The following CNTN4 variants were observed in gnomAD, a reference collection of about 807,000 sequenced individuals.
CNTN4 encodes the protein contactin 4, also known as contactin-4.
CNTN4 carries 77 observed loss-of-function variants against 122.5 expected under a neutral mutation model. That is an observed-to-expected ratio of 0.63 (90% CI 0.52 to 0.76). CNTN4 has a LOEUF of 0.76. Among genes scored for constraint, CNTN4 ranks in the 30% least tolerant of loss-of-function variants. The pLI is 0.00. For synonymous variants in CNTN4, 512 were observed against 447.0 expected (o/e 1.15, Z -1.83); for missense variants, 1,256 against 1,259.1 (o/e 1.00, Z 0.04).
rs1337894240 is a variant in CNTN4 at position 2,472,140 on chromosome 3, C to T, written c.-88-99276C>T. Reference sequence around the variant, plus strand: ...TGAGGCAGGAGAATTGCAACAAGAGCGAAATTCCATCTCAAAAAAAAAAAA... The same window carrying T: ...TGAGGCAGGAGAATTGCAACAAGAGTGAAATTCCATCTCAAAAAAAAAAAA... On this transcript the variant is annotated intron_variant, in intron 3 of 24. Coordinates refer to ENST00000418658, the MANE Select transcript of CNTN4 (RefSeq NM_175607.3). Among the ~76,000 whole-genome samples the T allele has an allele frequency of 3.5e-5, 5 of 143,568 alleles. No homozygotes were observed. In the South Asian group the frequency reaches 8.8e-4, roughly 25 times the overall value. The allele number at this position is 143,568 out of a possible 152,430, so 94.2% of individuals were successfully genotyped here. A position where few individuals can be genotyped will look rare whatever the true frequency, so the allele number is the denominator to read the frequency against.
At chr3:3,016,064 A>G (rs1046977410) in intron 14 of CNTN4, among the ~76,000 whole-genome samples, 3 of 152,158 alleles carry the variant, frequency 2.0e-5, no homozygotes, top group Non-Finnish European at 4.4e-5. Context: ...CATTCTAATT[A>G]TTATTTGATG....
At chr3:2,942,375 C>G (rs2094624468) in intron 13 of CNTN4, among the ~76,000 whole-genome samples, 1 of 152,132 alleles carries the variant, frequency 6.6e-6, no homozygotes, top group Non-Finnish European at 1.5e-5. Context: ...TGTCTTGCTA[C>G]CCAATCAAAG....
intron 3 of CNTN4, among the ~76,000 whole-genome samples, chr3:2,541,718 C>T (rs2078037293): frequency 6.6e-6 from 1 of 152,068 alleles, no homozygotes; most frequent in African/African-American, 2.4e-5. Context: ...TAGCATCTAC[C>T]AGAGTATATG....
In CNTN4 at chr3:2,753,913, G is replaced by T. The variant is rs188086088; in HGVS notation, c.358+8216G>T. ...TGTGGACTCTAATTTTAATATAATT[G>T]GTTTCAGGTTTTATAATGAGAATAA... On this transcript the variant is annotated intron_variant, in intron 6 of 24. Transcript: ENST00000418658. 2.3e-3 allele frequency among the ~76,000 whole-genome samples: 352 copies of T among 152,060 alleles called. 6 individuals carry two copies. Among genetic ancestry groups the T allele is most frequent in the Non-Finnish European group, 9.3e-4 (63 of 67,984 alleles).
chr3:3,012,772 C>A (rs1180883638), intron 14 of CNTN4, among the ~76,000 whole-genome samples: 1 of 152,082 alleles, frequency 6.6e-6, no homozygotes, highest in Non-Finnish European at 1.5e-5. Flanking sequence ...AGTTTGAGAT[C>A]AGCCTGGCCA....
chr3:2,199,584 G>T (rs1371790770), intron 2 of CNTN4, among the ~76,000 whole-genome samples: 1 of 152,116 alleles, frequency 6.6e-6, no homozygotes, highest in Non-Finnish European at 1.5e-5. Flanking sequence ...TATTTAACAT[G>T]TGCTAATTGA....
intron 4 of CNTN4, among the ~76,000 whole-genome samples, chr3:2,578,785 A>G (rs1490665236): frequency 2.0e-5 from 3 of 152,180 alleles, no homozygotes; most frequent in South Asian, 2.1e-4. Flanking sequence ...TCTCATAACT[A>G]TGGCCATAAA....
At chr3:2,522,503 G>T (rs2077257517) in intron 3 of CNTN4, among the ~76,000 whole-genome samples, 1 of 152,040 alleles carries the variant, frequency 6.6e-6, no homozygotes, top group Non-Finnish European at 1.5e-5. Flanking sequence ...TCACAATACA[G>T]TATTGTTATC....
intron 3 of CNTN4, among the ~76,000 whole-genome samples, chr3:2,515,065 A>T (rs1327010075): frequency 3.9e-5 from 6 of 151,966 alleles, no homozygotes; most frequent in Non-Finnish European, 8.8e-5. Context: ...GACTTTAGAA[A>T]CGAGGTTCGG....
chr3:3,038,068 T>C (rs1188871350), intron 18 of CNTN4, among the ~76,000 whole-genome samples: 1 of 152,162 alleles, frequency 6.6e-6, no homozygotes, highest in Non-Finnish European at 1.5e-5. Context: ...GACCCTACTC[T>C]CAGAAAAGCA....
At chr3:2,531,013 CAT>C (rs757945791) in intron 3 of CNTN4, among the ~76,000 whole-genome samples, 1 of 152,140 alleles carries the variant, frequency 6.6e-6, no homozygotes, top group Admixed American at 6.6e-5. Context: ...ATAGATGACT[CAT>C]GTGGAAGTAT....
At chr3:2,856,919 A>T (rs932166640) in intron 7 of CNTN4, among the ~76,000 whole-genome samples, 1 of 152,206 alleles carries the variant, frequency 6.6e-6, no homozygotes, top group African/African-American at 2.4e-5. Context: ...CATGACTCAA[A>T]GCTGCCCTTT....
chr3:2,970,131 G>A (rs1302563638), intron 13 of CNTN4, among the ~76,000 whole-genome samples: 3 of 151,586 alleles, frequency 2.0e-5, no homozygotes, highest in Non-Finnish European at 3.0e-5. Context: ...TTGCTCTGTC[G>A]CCCAGGCTGG....
chr3:3,011,895 G>C (rs533019562), intron 14 of CNTN4, among the ~76,000 whole-genome samples: 1 of 150,202 alleles, frequency 6.7e-6, no homozygotes, highest in Non-Finnish European at 1.5e-5. Flanking sequence ...TGATGGTGAT[G>C]ATGACAGTGA....
intron 6 of CNTN4, among the ~76,000 whole-genome samples, chr3:2,777,814 A>T (rs1433479380): frequency 1.3e-5 from 2 of 152,340 alleles, no homozygotes; most frequent in South Asian, 4.1e-4. Flanking sequence ...TTTCTCTGTG[A>T]AAGTTTTTAA....
At chr3:2,722,909 G>A (rs996202275) in intron 4 of CNTN4, among the ~76,000 whole-genome samples, 1 of 152,144 alleles carries the variant, frequency 6.6e-6, no homozygotes, top group Non-Finnish European at 1.5e-5. Flanking sequence ...TTCCAAAAAA[G>A]AACAACTTTG....
intron 3 of CNTN4, among the ~76,000 whole-genome samples, chr3:2,568,864 A>T (rs983388709): frequency 6.6e-6 from 1 of 152,248 alleles, no homozygotes; most frequent in Non-Finnish European, 1.5e-5. Flanking sequence ...CATATCATGA[A>T]CTAAATCTTT....
chr3:2,190,837 C>A (rs73807004), intron 2 of CNTN4, among the ~76,000 whole-genome samples: 3 of 136,836 alleles, frequency 2.2e-5, no homozygotes, highest in African/African-American at 7.8e-5. Context: ...CACACACATA[C>A]ACACACACAC....
At chr3:2,584,701 A>C (rs1186295373) in intron 4 of CNTN4, among the ~76,000 whole-genome samples, 4,663 of 112,270 alleles carry the variant, frequency 0.042, 28 homozygotes, top group Non-Finnish European at 0.07. Context: ...CCGTCTCAAA[A>C]AAAAAAAAAA....
Sources: gnomAD v4.1 joint callset for allele counts (sites outside exome capture counted in the v4.1 genomes callset) on GRCh38, gnomAD v4.1.1 for gene constraint, MANE v1.5 for transcripts, NCBI Gene and HGNC (gene_info 2026-07-23, HGNC 2026-07-21) for gene names.